Variants in C1QL3 observed in about 807,000 individuals in gnomAD.
The protein encoded by C1QL3 is complement C1q like 3, also known as complement C1q-like protein 3.
In C1QL3, 4 loss-of-function variants were observed where a neutral mutation model predicts 16.6. That is an observed-to-expected ratio of 0.24 (90% CI 0.12 to 0.55). The LOEUF (loss-of-function observed/expected upper bound fraction) is 0.55, where lower values mean the gene tolerates loss of function less well. Among genes scored for constraint, C1QL3 ranks in the 20% least tolerant of loss-of-function variants. The pLI, the probability that C1QL3 is intolerant of heterozygous loss-of-function variation, is 0.94. For missense variants in C1QL3, 269 were observed against 365.6 expected, an observed-to-expected ratio of 0.74 and a Z score of 2.16; for synonymous variants, 189 against 160.2, an observed-to-expected ratio of 1.18 and a Z score of -1.36.
rs201157373 is a variant in C1QL3 at position 16,520,511 on chromosome 10, G to T, written c.555C>A (p.Thr185=). ...YHVLMRGGDG[T]SMWADLCKNN... ...TTTTGCAGAGATCAGCCCACATGCTGGTGCCGTCCCCTCCGCGCATCAGGA... is the reference window on the plus strand; with the variant it reads ...TTTTGCAGAGATCAGCCCACATGCTTGTGCCGTCCCCTCCGCGCATCAGGA... Residue 185 remains threonine (T), a synonymous_variant, in exon 1 of 2, where the codon ACC becomes ACA. Coordinates refer to ENST00000298943, the MANE Select transcript of C1QL3 (RefSeq NM_001010908.2). This position sits in a 1 kb window ranked among gnomAD's most constrained non-coding sequence, Gnocchi z 8.3. 1.2e-6 allele frequency: 2 copies of T among 1,610,022 alleles called. No homozygotes were observed. The highest frequency in any genetic ancestry group is 1.1e-5 in the South Asian group (1 of 90,626).
chr10:16,520,976 C>G lies in C1QL3; in HGVS notation c.90G>C (p.Met30Ile), dbSNP rs1837032403. 6.9e-6 allele frequency: 11 copies of G among 1,591,378 alleles called. No homozygotes were observed. The highest frequency in any genetic ancestry group is 9.4e-6 in the Non-Finnish European group (11 of 1,175,420). ...AHYEMLGTCR[M>I]VCDPYGGTKA... ...TGGTGCCCCCGTAGGGGTCGCAGAC[C>G]ATGCGGCAGGTGCCCAGCATCTCGT... Residue 30 changes from methionine (M) to isoleucine (I), a missense_variant, in exon 1 of 2, where the codon ATG (methionine) becomes ATC (isoleucine). By Grantham distance (10) the Met-to-Ile change is conservative. This residue lies in a region of C1QL3 where 246 missense variants were observed against 297.2 expected (regional missense o/e 0.83). Transcript: ENST00000298943. This position sits in a 1 kb window ranked among gnomAD's most constrained non-coding sequence, Gnocchi z 8.3.
rs1008332125 is a variant in C1QL3 at position 16,514,692 on chromosome 10, T to C, written c.604A>G (p.Ile202Val). 1.2e-6 allele frequency: 2 copies of C among 1,613,390 alleles called. No individual in the cohort carries two copies. The highest frequency in any genetic ancestry group is 2.7e-5 in the African/African-American group (2 of 74,922). Residue 202 changes from isoleucine (I) to valine (V), a missense_variant, in exon 2 of 2, where the codon ATT becomes GTT. Ile to Val is a conservative substitution (Grantham distance 29). Coordinates refer to ENST00000298943, the MANE Select transcript of C1QL3 (RefSeq NM_001010908.2). ...CKNNQVRASA[I>V]AQDADQNYDY... ...TAATTCTGATCAGCATCTTGGGCAA[T>C]TGCACTAGCACGCACCTATGTGAAA...
intron 1 of C1QL3, among the ~76,000 whole-genome samples, chr10:16,516,470 A>T (rs1054676207): frequency 4.6e-5 from 7 of 152,196 alleles, no homozygotes; most frequent in African/African-American, 1.7e-4. Flanking sequence ...GAAAAAAATT[A>T]AAAACAAAAT....
chr10:16,520,441 T>TCCCGGCCCCC lies in C1QL3; in HGVS notation c.588+36_588+37insGGGGGCCGGG. On this transcript the variant is annotated intron_variant, in intron 1 of 1. Transcript: ENST00000298943. The surrounding 1 kb of genome is among the most constrained non-coding windows in gnomAD (Gnocchi z 8.3). ...CCCTCTCGCCCGCACCTTCCCGCGC[T>TCCCGGCCCCC]CCCTCCCCGCCCTCCCCGCCGCCCG... 8.1e-7 allele frequency: 1 copy of TCCCGGCCCCC among 1,227,532 alleles called. No individual in the cohort carries two copies. The highest frequency in any genetic ancestry group is 1.1e-6 in the Non-Finnish European group (1 of 881,044). The allele number at this position is 1,227,532 out of a possible 1,614,324, so 76.0% of individuals were successfully genotyped here. A position where few individuals can be genotyped will look rare whatever the true frequency, so the allele number is the denominator to read the frequency against.
In C1QL3 at chr10:16,521,180, A is replaced by G. The variant is rs1490289965; in HGVS notation, c.-115T>C. The G allele has an allele frequency of 2.0e-6, 2 of 1,000,826 alleles. No individual in the cohort carries two copies. Among genetic ancestry groups the G allele is most frequent in the Non-Finnish European group, 1.5e-6 (1 of 684,930 alleles). 62.0% of individuals were successfully genotyped at this position (1,000,826 alleles called of 1,614,324 possible). On this transcript the variant is annotated 5_prime_UTR_variant, in exon 1 of 2. Coordinates refer to ENST00000298943, the MANE Select transcript of C1QL3 (RefSeq NM_001010908.2). Reference sequence around the variant, plus strand: ...ACAGAATTTTGAAGGTTGGGCGGGGACCTCTTCAGAGCCGAAAACAACCCC... The same window carrying G: ...ACAGAATTTTGAAGGTTGGGCGGGGGCCTCTTCAGAGCCGAAAACAACCCC...
Position 16,513,994 on chromosome 10 carries a change from C to T in C1QL3, c.*534G>A. The T allele has an allele frequency of 4.0e-6, 1 of 250,522 alleles. No individual in the cohort carries two copies. Among genetic ancestry groups the T allele is most frequent in the Non-Finnish European group, 7.5e-6 (1 of 132,598 alleles). The allele number at this position is 250,522 out of a possible 1,614,324, so 15.5% of individuals were successfully genotyped here. ...TTAAGGCTTGAAGTTGAATCATTCC[C>T]AGGTCTAGCTCTAAGGTTAACAAGA... is the stretch of plus-strand genomic sequence containing the variant. On this transcript the variant is annotated 3_prime_UTR_variant, in exon 2 of 2. Transcript: ENST00000298943.
At chr10:16,517,071 T>C (rs1836963094) in intron 1 of C1QL3, among the ~76,000 whole-genome samples, 1 of 152,184 alleles carries the variant, frequency 6.6e-6, no homozygotes, top group African/African-American at 2.4e-5. Context: ...GCCATCAAAC[T>C]ATTGAGGAAG....
chr10:16,520,546 T>C lies in C1QL3; in HGVS notation c.520A>G (p.Thr174Ala). Residue 174 changes from threonine (T) to alanine (A), a missense_variant, in exon 1 of 2, where the codon ACC becomes GCC. Physicochemically the swap from Thr to Ala is moderately conservative, Grantham distance 58. Around this residue, in one of 2 missense-constraint regions of C1QL3, gnomAD observed 246 missense variants for 297.2 expected, o/e 0.83. Coordinates refer to ENST00000298943, the MANE Select transcript of C1QL3 (RefSeq NM_001010908.2). This position sits in a 1 kb window ranked among gnomAD's most constrained non-coding sequence, Gnocchi z 8.3. ...CCTCCGCGCATCAGGACGTGGTAGGTGAAGAAGTAGATGCCCGGGATGGAG... is the reference window on the plus strand; with the variant it reads ...CCTCCGCGCATCAGGACGTGGTAGGCGAAGAAGTAGATGCCCGGGATGGAG... ...TCSIPGIYFF[T>A]YHVLMRGGDG... The C allele has an allele frequency of 1.3e-6, 2 of 1,599,376 alleles. No homozygotes were observed. Among genetic ancestry groups the C allele is most frequent in the Non-Finnish European group, 1.7e-6 (2 of 1,171,772 alleles).
chr10:16,520,983 C>T lies in C1QL3; in HGVS notation c.83G>A (p.Cys28Tyr). 6.3e-7 allele frequency: 1 copy of T among 1,593,068 alleles called. No individual in the cohort carries two copies. Among genetic ancestry groups the T allele is most frequent in the Non-Finnish European group, 8.5e-7 (1 of 1,176,152 alleles). ...TSAHYEMLGT[C>Y]RMVCDPYGGT... Reference sequence around the variant, plus strand: ...CCCGTAGGGGTCGCAGACCATGCGGCAGGTGCCCAGCATCTCGTAGTGCGC... The same window carrying T: ...CCCGTAGGGGTCGCAGACCATGCGGTAGGTGCCCAGCATCTCGTAGTGCGC... Residue 28 changes from cysteine (C) to tyrosine (Y), a missense_variant, in exon 1 of 2, where the codon TGC becomes TAC. Transcript: ENST00000298943. The surrounding 1 kb of genome is among the most constrained non-coding windows in gnomAD (Gnocchi z 8.3).
intron 1 of C1QL3, among the ~76,000 whole-genome samples, chr10:16,516,726 C>A (rs2133538294): frequency 6.6e-6 from 1 of 152,298 alleles, no homozygotes; most frequent in South Asian, 2.1e-4. Context: ...GGTGTAACCA[C>A]AAAACCGAGT....
chr10:16,516,857 G>A (rs1034871281), intron 1 of C1QL3, among the ~76,000 whole-genome samples: 2 of 152,174 alleles, frequency 1.3e-5, no homozygotes, highest in Admixed American at 6.5e-5. Context: ...TCAAGCCAGT[G>A]TGGTTGCTTT....
chr10:16,519,051 T>C (rs1342127396), intron 1 of C1QL3, among the ~76,000 whole-genome samples: 4 of 151,650 alleles, frequency 2.6e-5, no homozygotes, highest in Admixed American at 2.6e-4. Context: ...CTTTTTGTTA[T>C]ATGTGTCCTG....
chr10:16,514,803 T>C (rs1836923239), intron 1 of C1QL3, 96 bp from the exon 2 acceptor site: 1 of 877,534 alleles, frequency 1.1e-6, no homozygotes, highest in Admixed American at 2.6e-5. Context: ...CTTGCTGCCA[T>C]AGTACAGAAT....
In C1QL3 at chr10:16,514,442, G is replaced by C; in HGVS notation, c.*86C>G. Reference sequence around the variant, plus strand: ...ACACAACTGAGGTGCCCTGCCATTGGCATCCCCTGGGATCCTTGATTCACT... The same window carrying C: ...ACACAACTGAGGTGCCCTGCCATTGCCATCCCCTGGGATCCTTGATTCACT... On this transcript the variant is annotated 3_prime_UTR_variant, in exon 2 of 2. Transcript: ENST00000298943. 8.7e-7 allele frequency: 1 copy of C among 1,152,024 alleles called. No individual in the cohort carries two copies. The highest frequency in any genetic ancestry group is 2.0e-5 in the Admixed American group (1 of 48,880). 71.4% of individuals were successfully genotyped at this position (1,152,024 alleles called of 1,614,324 possible).
In C1QL3 at chr10:16,521,410, C is replaced by T. The variant is rs1837042325; in HGVS notation, c.-345G>A. On this transcript the variant is annotated 5_prime_UTR_variant, in exon 1 of 2. Transcript: ENST00000298943. ...CCTTCGCACCTGTGGCTGCAGCCGG[C>T]GCCGGCGCGGCCACCGGGAGGGCAG... The T allele has an allele frequency of 1.1e-5, 2 of 185,178 alleles. No homozygotes were observed. The highest frequency in any genetic ancestry group is 6.2e-5 in the Admixed American group (1 of 16,132). The allele number at this position is 185,178 out of a possible 1,614,324, so 11.5% of individuals were successfully genotyped here. A position where few individuals can be genotyped will look rare whatever the true frequency, so the allele number is the denominator to read the frequency against.
In C1QL3 at chr10:16,517,906, A is replaced by G. The variant is rs184997396; in HGVS notation, c.588+2572T>C. Among the ~76,000 whole-genome samples the G allele has an allele frequency of 3.0e-3, 462 of 152,334 alleles. 6 individuals are homozygous for G. The highest frequency in any genetic ancestry group is 0.011 in the African/African-American group (443 of 41,580). ...TAATTTACTGGTCTTTGATGTTTCC[A>G]TCTGTGATCTTACATTCTACACAAA... is the stretch of plus-strand genomic sequence containing the variant. On this transcript the variant is annotated intron_variant, in intron 1 of 1. Transcript: ENST00000298943.
At chr10:16,518,047 C>T (rs1836980984) in intron 1 of C1QL3, among the ~76,000 whole-genome samples, 1 of 152,156 alleles carries the variant, frequency 6.6e-6, no homozygotes, top group Non-Finnish European at 1.5e-5. Flanking sequence ...ATCCATAGAA[C>T]ATTACACTGA....
chr10:16,517,965 C>T (rs1371237770), intron 1 of C1QL3, among the ~76,000 whole-genome samples: 3 of 152,134 alleles, frequency 2.0e-5, no homozygotes, highest in African/African-American at 7.2e-5. Context: ...TGGTTACAGT[C>T]CAGAAGCATT....
chr10:16,521,154 G>C lies in C1QL3; in HGVS notation c.-89C>G. The stretch of plus-strand genomic sequence containing the variant: ...GGGGCGATCCTCTTGTCTGCTTTTG[G>C]ACAGAATTTTGAAGGTTGGGCGGGG... On this transcript the variant is annotated 5_prime_UTR_variant, in exon 1 of 2. Coordinates refer to ENST00000298943, the MANE Select transcript of C1QL3 (RefSeq NM_001010908.2). The C allele has an allele frequency of 2.3e-6, 3 of 1,281,528 alleles. No homozygotes were observed. The highest frequency in any genetic ancestry group is 3.2e-6 in the Non-Finnish European group (3 of 927,622). 79.4% of individuals were successfully genotyped at this position (1,281,528 alleles called of 1,614,324 possible).
Sources: allele counts gnomAD v4.1 joint callset (sites outside exome capture counted in the v4.1 genomes callset), GRCh38; gene constraint gnomAD v4.1.1; regional missense constraint gnomAD v4.1.1; non-coding constraint Gnocchi (gnomAD v3.1); transcripts MANE v1.5; gene names NCBI Gene and HGNC (gene_info 2026-07-23, HGNC 2026-07-21).